The following NFAT5 variants were observed in gnomAD, a reference collection of about 807,000 sequenced individuals.
NFAT5 encodes nuclear factor of activated T-cells 5.
NFAT5 carries 31 observed loss-of-function variants against 166.5 expected under a neutral mutation model. That is an observed-to-expected ratio of 0.19 (90% CI 0.14 to 0.25). The LOEUF is 0.25. Ranked by LOEUF, NFAT5 falls within the 10% of genes least tolerant of loss-of-function variation. The pLI is 1.00. For synonymous variants in NFAT5, 612 were observed against 639.7 expected, an observed-to-expected ratio of 0.96 and a Z score of 0.65; for missense variants, 1,449 against 1,821.8, an observed-to-expected ratio of 0.80 and a Z score of 3.72.
At chr16:69,663,710 C>CA (rs889525502) in intron 7 of NFAT5, among the ~76,000 whole-genome samples, 13 of 151,300 alleles carry the variant, frequency 8.6e-5, no homozygotes, top group African/African-American at 2.4e-4. Context: ...TCTCCACACA[C>CA]AAAAAAAATG....
Position 69,604,597 on chromosome 16 carries a change from C to T in NFAT5, c.128-21806C>T, listed in dbSNP as rs889520544. ...GTTCTTTTTTAAAAATTTTTTATTG[C>T]GGTGAACTGCACAATAAATCAATCA... On this transcript the variant is annotated intron_variant, in intron 2 of 14. Coordinates refer to ENST00000349945, the MANE Select transcript of NFAT5 (RefSeq NM_138713.4). 1.2e-4 allele frequency among the ~76,000 whole-genome samples: 19 copies of T among 152,124 alleles called. No individual in the cohort carries two copies. In the East Asian group the frequency reaches 1.4e-3, roughly 11 times the overall value.
At chr16:69,683,243 A>G (rs1247084301) in intron 10 of NFAT5, among the ~76,000 whole-genome samples, 1 of 151,992 alleles carries the variant, frequency 6.6e-6, no homozygotes, top group East Asian at 1.9e-4. Context: ...AGAAAAGTAG[A>G]AATTAAGGCC....
chr16:69,692,290 C>G lies in NFAT5; in HGVS notation c.2465C>G (p.Ala822Gly), dbSNP rs765883106. ...SVDLVQQVLE[A>G]QQQLSSVLFS... ...GACTTGGTCCAACAAGTTTTAGAGG[C>G]ACAGCAGCAGTTATCTTCAGTTTTA... Residue 822 changes from alanine (A) to glycine (G), a missense_variant, in exon 13 of 15, where the codon GCA (alanine) becomes GGA (glycine). Ala to Gly is a moderately conservative substitution (Grantham distance 60). Around this residue, in one of 7 missense-constraint regions of NFAT5, gnomAD observed 891 missense variants for 993.0 expected, o/e 0.90. Transcript: ENST00000349945. 1.9e-6 allele frequency: 3 copies of G among 1,614,176 alleles called. No individual in the cohort carries two copies. The highest frequency in any genetic ancestry group is 1.7e-6 in the Non-Finnish European group (2 of 1,180,024).
intron 2 of NFAT5, among the ~76,000 whole-genome samples, chr16:69,618,146 G>A (rs1418343833): frequency 1.1e-4 from 14 of 123,068 alleles, no homozygotes; most frequent in African/African-American, 3.1e-4. Flanking sequence ...CAACAACAGC[G>A]AAACTCCATC....
At chr16:69,688,642 C>T (rs939732966) in intron 11 of NFAT5, among the ~76,000 whole-genome samples, 56 of 152,160 alleles carry the variant, frequency 3.7e-4, no homozygotes, top group African/African-American at 1.3e-3. Context: ...GCTGGGATTA[C>T]AGGCATGAGC....
intron 5 of NFAT5, among the ~76,000 whole-genome samples, chr16:69,655,176 C>G (rs940657330): frequency 1.3e-5 from 2 of 152,062 alleles, no homozygotes; most frequent in Non-Finnish European, 2.9e-5. Context: ...TCATACTTTT[C>G]TATTCAAGTA....
At chr16:69,587,944 CTTTTTTTTT>C (rs61460423) in intron 2 of NFAT5, among the ~76,000 whole-genome samples, 1 of 68,232 alleles carries the variant, frequency 1.5e-5, no homozygotes, top group African/African-American at 5.6e-5. Flanking sequence ...ATAGTGCTTT[CTTTTTTTTT>C]TTTTTTTTTT....
chr16:69,636,534 A>G (rs2034976118), intron 3 of NFAT5, among the ~76,000 whole-genome samples: 1 of 152,168 alleles, frequency 6.6e-6, no homozygotes, highest in African/African-American at 2.4e-5. Context: ...AGGGGTTTCC[A>G]TACATCCTCT....
chr16:69,639,083 C>T (rs998484754), intron 3 of NFAT5, among the ~76,000 whole-genome samples: 17 of 152,130 alleles, frequency 1.1e-4, no homozygotes, highest in African/African-American at 3.6e-4. Flanking sequence ...ATATTAGTCT[C>T]TTCATTCAGT....
At chr16:69,614,876 T>TC (rs1193217683) in intron 2 of NFAT5, among the ~76,000 whole-genome samples, 1 of 100,402 alleles carries the variant, frequency 1.0e-5, no homozygotes, top group East Asian at 3.2e-4. Flanking sequence ...GTTTTCTTTT[T>TC]CCTTTTTTTT....
chr16:69,587,151 C>G (rs1004181398), intron 2 of NFAT5, among the ~76,000 whole-genome samples: 7 of 151,916 alleles, frequency 4.6e-5, no homozygotes, highest in Non-Finnish European at 8.8e-5. Flanking sequence ...GGCGCGATCT[C>G]GGCTCACTGC....
At chr16:69,648,985 A>C in intron 4 of NFAT5, 2 of 971,652 alleles carry the variant, frequency 2.1e-6, no homozygotes, top group Non-Finnish European at 2.4e-6. Context: ...GATGTAGTTA[A>C]ATGAAAATGA....
chr16:69,628,538 C>T (rs1373101609), intron 3 of NFAT5, among the ~76,000 whole-genome samples: 2 of 152,066 alleles, frequency 1.3e-5, no homozygotes, highest in Non-Finnish European at 2.9e-5. Context: ...AGAAAGAGCA[C>T]TTCATACCTT....
chr16:69,617,194 G>A (rs1383968396), intron 2 of NFAT5, among the ~76,000 whole-genome samples: 2 of 151,888 alleles, frequency 1.3e-5, no homozygotes, highest in African/African-American at 2.4e-5. Context: ...CGCCCGCCTC[G>A]GCCTCCCAAA....
Position 69,670,215 on chromosome 16 carries a change from A to G in NFAT5, c.1505-21A>G, listed in dbSNP as rs778255431. On this transcript the variant is annotated intron_variant, in intron 8 of 14. Transcript: ENST00000349945. The stretch of plus-strand genomic sequence containing the variant: ...AAAAAATAGTTCAAAAATTTAATAA[A>G]TCACTTTTTATTTCAATCAGATGAA... 4.0e-5 allele frequency: 60 copies of G among 1,483,998 alleles called. No individual in the cohort carries two copies. In the South Asian group the frequency reaches 6.6e-4, roughly 16 times the overall value. The allele number at this position is 1,483,998 out of a possible 1,614,324, so 91.9% of individuals were successfully genotyped here. A position where few individuals can be genotyped will look rare whatever the true frequency, so the allele number is the denominator to read the frequency against.
intron 3 of NFAT5, among the ~76,000 whole-genome samples, chr16:69,634,040 G>GT (rs1339165012): frequency 2.0e-5 from 3 of 151,834 alleles, no homozygotes; most frequent in East Asian, 3.9e-4. Flanking sequence ...CACTTTGGGG[G>GT]GCCGAGGCGG....
At chr16:69,609,454 C>T (rs1307281321) in intron 2 of NFAT5, among the ~76,000 whole-genome samples, 1 of 152,014 alleles carries the variant, frequency 6.6e-6, no homozygotes, top group East Asian at 1.9e-4. Context: ...TCTGGTATTC[C>T]CTGTTGAAAA....
At chr16:69,585,835 T>C (rs1219256017) in intron 2 of NFAT5, among the ~76,000 whole-genome samples, 1 of 152,140 alleles carries the variant, frequency 6.6e-6, no homozygotes, top group Non-Finnish European at 1.5e-5. Context: ...AGTAGAATAT[T>C]GGTTACCAGG....
intron 5 of NFAT5, 124 bp downstream of exon 5, chr16:69,653,552 A>T: frequency 3.4e-6 from 2 of 595,568 alleles, no homozygotes; most frequent in South Asian, 3.3e-5. Context: ...TTTGAATTAG[A>T]TTCATCCCAA....
Sources: allele counts gnomAD v4.1 joint callset (sites outside exome capture counted in the v4.1 genomes callset), GRCh38; gene constraint gnomAD v4.1.1; regional missense constraint gnomAD v4.1.1; transcripts MANE v1.5; gene names NCBI Gene and HGNC (gene_info 2026-07-23, HGNC 2026-07-21).